NR6A1: variants seen among roughly 807,000 people sequenced by gnomAD.
NR6A1 encodes retinoic acid receptor-related testis-associated receptor.
A neutral mutation model predicts 59.1 loss-of-function variants in NR6A1; 7 were observed. That is an observed-to-expected ratio of 0.12 (90% CI 0.07 to 0.22). The LOEUF (loss-of-function observed/expected upper bound fraction) is 0.22, where lower values mean the gene tolerates loss of function less well. Among genes scored for constraint, NR6A1 ranks in the 10% least tolerant of loss-of-function variants. NR6A1 has a pLI of 1.00. For missense variants in NR6A1, 468 were observed against 611.6 expected (o/e 0.77, Z 2.48); for synonymous variants, 243 against 236.1 (o/e 1.03, Z -0.27).
chr9:124,709,988 C>A (rs1382603098), intron 2 of NR6A1, among the ~76,000 whole-genome samples: 1 of 151,752 alleles, frequency 6.6e-6, no homozygotes, highest in Admixed American at 6.6e-5. Context: ...TAACAATGTC[C>A]CTATTTTAAA....
At chr9:124,697,676 TA>T (rs35472562) in intron 2 of NR6A1, among the ~76,000 whole-genome samples, 4,153 of 134,802 alleles carry the variant, frequency 0.031, 123 homozygotes, top group African/African-American at 0.086. Context: ...AGGTAGGATT[TA>T]AAAAAAAAAA....
At chr9:124,762,041 C>T (rs1840796836) in intron 1 of NR6A1, among the ~76,000 whole-genome samples, 1 of 152,288 alleles carries the variant, frequency 6.6e-6, no homozygotes, top group East Asian at 1.9e-4. Flanking sequence ...AGTAAGAAAA[C>T]TCCAAAGTAA....
chr9:124,579,530 C>G (rs895134775), intron 2 of NR6A1, among the ~76,000 whole-genome samples: 1 of 152,000 alleles, frequency 6.6e-6, no homozygotes, highest in African/African-American at 2.4e-5. Context: ...GCACTCCAGC[C>G]CTGGTGAGAC....
intron 2 of NR6A1, among the ~76,000 whole-genome samples, chr9:124,600,171 C>A (rs1462058556): frequency 6.6e-6 from 1 of 152,184 alleles, no homozygotes; most frequent in East Asian, 1.9e-4. Context: ...TTTCAAATTC[C>A]TTTTTAAACT....
chr9:124,611,020 T>C (rs1835726507), intron 2 of NR6A1, among the ~76,000 whole-genome samples: 1 of 152,122 alleles, frequency 6.6e-6, no homozygotes, highest in Non-Finnish European at 1.5e-5. Context: ...GAAGTATCCT[T>C]TTCCTGACCC....
chr9:124,748,540 T>C lies in NR6A1; in HGVS notation c.101-15191A>G, dbSNP rs980041655. Among the ~76,000 whole-genome samples the C allele has an allele frequency of 7.2e-5, 11 of 152,124 alleles. 1 individual carries two copies. The highest frequency in any genetic ancestry group is 1.5e-5 in the Non-Finnish European group (1 of 68,016). On this transcript the variant is annotated intron_variant, in intron 1 of 9. Coordinates refer to ENST00000487099, the MANE Select transcript of NR6A1 (RefSeq NM_033334.4). ...ACACTAATTGTGGTCCCATAGGCAT[T>C]TCCCCGATCTAAAAATGGGAACAAA...
intron 2 of NR6A1, among the ~76,000 whole-genome samples, chr9:124,575,758 T>C (rs771122443): frequency 1.3e-5 from 2 of 152,158 alleles, no homozygotes; most frequent in Admixed American, 6.5e-5. Context: ...TTATTACATG[T>C]AATGTGAACA....
chr9:124,630,565 G>T (rs911017431), intron 2 of NR6A1, among the ~76,000 whole-genome samples: 1 of 151,080 alleles, frequency 6.6e-6, no homozygotes, highest in Non-Finnish European at 1.5e-5. Flanking sequence ...GTGGAGGCTG[G>T]CTATCCTAGG....
At chr9:124,743,587 T>C (rs1285403268) in intron 1 of NR6A1, among the ~76,000 whole-genome samples, 2 of 152,186 alleles carry the variant, frequency 1.3e-5, no homozygotes, top group African/African-American at 4.8e-5. Flanking sequence ...TCACCTTTCA[T>C]ATAGTTTTTC....
At chr9:124,632,253 A>G (rs776282023) in intron 2 of NR6A1, among the ~76,000 whole-genome samples, 79 of 152,222 alleles carry the variant, frequency 5.2e-4, no homozygotes, top group Non-Finnish European at 1.5e-4. Context: ...ACACTCTTCC[A>G]CAATAGTTGA....
chr9:124,625,718 T>TG lies in NR6A1; in HGVS notation c.143-71149dup, dbSNP rs570189096. 9.8e-4 allele frequency among the ~76,000 whole-genome samples: 149 copies of TG among 151,834 alleles called. 1 individual carries two copies. In the South Asian group the frequency reaches 0.019, roughly 19 times the overall value. ...GGTCAAACAATATTCTGGGTGTGTC[T>TG]GGGGGGGGCTATTTTTGGATGAGAT... is the stretch of plus-strand genomic sequence containing the variant. On this transcript the variant is annotated intron_variant, in intron 2 of 9. Coordinates refer to ENST00000487099, the MANE Select transcript of NR6A1 (RefSeq NM_033334.4).
intron 2 of NR6A1, among the ~76,000 whole-genome samples, chr9:124,618,498 T>C (rs1051643224): frequency 6.6e-6 from 1 of 151,472 alleles, no homozygotes; most frequent in Admixed American, 6.6e-5. Flanking sequence ...ATAAAAAAAA[T>C]AGAATAAAGG....
intron 2 of NR6A1, among the ~76,000 whole-genome samples, chr9:124,674,101 A>C (rs1837879421): frequency 1.3e-5 from 2 of 152,314 alleles, no homozygotes; most frequent in South Asian, 2.1e-4. Context: ...ACATTAAATG[A>C]GGTAATATAA....
chr9:124,592,456 A>G (rs935474851), intron 2 of NR6A1, among the ~76,000 whole-genome samples: 2 of 152,210 alleles, frequency 1.3e-5, no homozygotes, highest in African/African-American at 4.8e-5. Flanking sequence ...GGCAGAATCA[A>G]TTGTGTCAAG....
At chr9:124,627,664 T>A (rs1307584900) in intron 2 of NR6A1, among the ~76,000 whole-genome samples, 1 of 152,192 alleles carries the variant, frequency 6.6e-6, no homozygotes, top group Non-Finnish European at 1.5e-5. Context: ...CTTGAATTCC[T>A]GGACTCTGGC....
intron 2 of NR6A1, among the ~76,000 whole-genome samples, chr9:124,608,970 T>A (rs545542704): frequency 6.6e-6 from 1 of 152,356 alleles, no homozygotes; most frequent in South Asian, 2.1e-4. Context: ...TCATGTCCTT[T>A]GCCCACTTTT....
At chr9:124,666,302 A>C (rs1837614821) in intron 2 of NR6A1, among the ~76,000 whole-genome samples, 1 of 116,886 alleles carries the variant, frequency 8.6e-6, no homozygotes, top group Non-Finnish European at 1.5e-5. Context: ...TTTTTGAGAC[A>C]GGGTCTCACT....
chr9:124,675,104 C>A (rs1837915435), intron 2 of NR6A1, among the ~76,000 whole-genome samples: 1 of 152,194 alleles, frequency 6.6e-6, no homozygotes. Context: ...AACTTCATCC[C>A]TGGGCAAGTC....
At chr9:124,767,955 C>A (rs1840986149) in intron 1 of NR6A1, among the ~76,000 whole-genome samples, 4 of 152,184 alleles carry the variant, frequency 2.6e-5, no homozygotes, top group Admixed American at 2.6e-4. Flanking sequence ...CCTTTGAAAT[C>A]CCAAAAGGGA....
Sources: allele counts gnomAD v4.1 joint callset (sites outside exome capture counted in the v4.1 genomes callset), GRCh38; gene constraint gnomAD v4.1.1; transcripts MANE v1.5; gene names NCBI Gene and HGNC (gene_info 2026-07-23, HGNC 2026-07-21).